MAPK8IP3: variants seen among roughly 807,000 people sequenced by gnomAD.
MAPK8IP3 encodes C-Jun-amino-terminal kinase-interacting protein 3.
Under a neutral mutation model 157.8 loss-of-function variants are expected in MAPK8IP3, and 49 were observed. The ratio of observed to expected loss-of-function variants is 0.31; its 90% CI spans 0.25 to 0.39. The LOEUF is 0.39. Ranked by LOEUF, MAPK8IP3 falls within the 10% of genes least tolerant of loss-of-function variation. MAPK8IP3 has a pLI of 1.00. For synonymous variants in MAPK8IP3, 897 were observed against 777.7 expected (o/e 1.15, Z -2.55); for missense variants, 1,478 against 1,889.4 (o/e 0.78, Z 4.04).
At chr16:1,761,177 G>T in intron 12 of MAPK8IP3, 47 bp from the exon 13 acceptor site, 6 of 1,486,144 alleles carry the variant, frequency 4.0e-6, no homozygotes, top group Non-Finnish European at 5.6e-6. Flanking sequence ...TGTTCCCGAG[G>T]CCCCTGGGAG....
At position 1,766,003 on chromosome 16, in the gene MAPK8IP3, C is replaced by T. The variant is rs978970847; in HGVS notation, c.2490C>T (p.Asp830=). 6.2e-7 allele frequency: 1 copy of T among 1,612,802 alleles called. No individual in the cohort carries two copies. The highest frequency in any genetic ancestry group is 8.5e-7 in the Non-Finnish European group (1 of 1,179,934). ...ACCCTCCCGGGGAGATGTTCCTGGA[C>T]AGCGACGTGAACCCAGAGGACCCGG... ...SDYPPGEMFL[D]SDVNPEDPGA... Residue 830 remains aspartate (D), a synonymous_variant, in exon 21 of 32, where the codon GAC becomes GAT. Transcript: ENST00000610761.
In MAPK8IP3 at chr16:1,763,721, G is replaced by A; in HGVS notation, c.1963G>A (p.Val655Met). 2 of 1,596,458 alleles carry A rather than the reference G, an allele frequency of 1.3e-6. No individual in the cohort carries two copies. The highest frequency in any genetic ancestry group is 1.7e-6 in the Non-Finnish European group (2 of 1,170,374). The change falls in exon 17 of 32, where the codon GTG becomes ATG. Residue 655 changes from valine (V) to methionine (M), a missense_variant. Transcript: ENST00000610761. ...REQYRQVREH[V>M]RNDDGRLQAC... The stretch of plus-strand genomic sequence containing the variant: ...GCAGTACCGCCAGGTGCGTGAGCAC[G>A]TGCGTAACGACGACGGCCGTCTGCA...
chr16:1,740,689 C>T (rs1265336217), intron 4 of MAPK8IP3, among the ~76,000 whole-genome samples: 2 of 152,232 alleles, frequency 1.3e-5, no homozygotes, highest in Non-Finnish European at 2.9e-5. Context: ...TGTCGCTGCC[C>T]TGCAGTCCTC....
chr16:1,712,699 G>T (rs557475434), intron 1 of MAPK8IP3, among the ~76,000 whole-genome samples: 4 of 152,168 alleles, frequency 2.6e-5, no homozygotes, highest in African/African-American at 7.2e-5. Flanking sequence ...ATCTGCCTCT[G>T]GTCTTCTGGC....
intron 16 of MAPK8IP3, 40 bp from the exon 17 acceptor site, chr16:1,763,617 C>T: frequency 1.3e-6 from 2 of 1,486,726 alleles, no homozygotes; most frequent in Non-Finnish European, 9.0e-7. Context: ...GGGGGCCGCT[C>T]ACCCTGGACA....
At chr16:1,723,774 T>C (rs1355226635) in intron 1 of MAPK8IP3, among the ~76,000 whole-genome samples, 1 of 152,212 alleles carries the variant, frequency 6.6e-6, no homozygotes, top group Non-Finnish European at 1.5e-5. Context: ...ACTTATGGCA[T>C]CGATGCCCGG....
chr16:1,746,580 C>T (rs540970231), intron 5 of MAPK8IP3: 2 of 190,034 alleles, frequency 1.1e-5, no homozygotes, highest in African/African-American at 4.7e-5. Flanking sequence ...TCGAGCTCTT[C>T]AGCACAGTGA....
chr16:1,758,076 G>T, intron 8 of MAPK8IP3, 72 bp from the exon 9 acceptor site: 1 of 1,485,248 alleles, frequency 6.7e-7, no homozygotes, highest in Admixed American at 1.7e-5. Context: ...AGAATGTATT[G>T]TTAGTTCCAG....
intron 4 of MAPK8IP3, among the ~76,000 whole-genome samples, chr16:1,733,829 G>A (rs1231947398): frequency 1.3e-5 from 2 of 152,250 alleles, no homozygotes; most frequent in Non-Finnish European, 2.9e-5. Flanking sequence ...CATTTTGTAA[G>A]GGATGGATCT....
chr16:1,742,331 G>A lies in MAPK8IP3; in HGVS notation c.603-1001G>A, dbSNP rs1256363489. On this transcript the variant is annotated intron_variant, in intron 4 of 31. Coordinates refer to ENST00000610761, the MANE Select transcript of MAPK8IP3 (RefSeq NM_001318852.2). This position sits in a 1 kb window ranked among gnomAD's most constrained non-coding sequence, Gnocchi z 5.0. ...CCTAGGGACTGAGCCCACAGCAGGGGGCACTGAGCACTGTCCTGACAGCTC... is the reference window on the plus strand; with the variant it reads ...CCTAGGGACTGAGCCCACAGCAGGGAGCACTGAGCACTGTCCTGACAGCTC... Among the ~76,000 whole-genome samples, 3 of 152,146 alleles carry A rather than the reference G, an allele frequency of 2.0e-5. No individual in the cohort carries two copies. The highest frequency in any genetic ancestry group is 2.9e-5 in the Non-Finnish European group (2 of 68,028).
chr16:1,728,154 G>A (rs1237592959), intron 2 of MAPK8IP3, among the ~76,000 whole-genome samples: 1 of 152,242 alleles, frequency 6.6e-6, no homozygotes, highest in East Asian at 1.9e-4. Context: ...TCCCCTGGCT[G>A]CGGCTGCCCG....
chr16:1,744,531 G>A (rs574806556), intron 5 of MAPK8IP3: 5 of 985,574 alleles, frequency 5.1e-6, no homozygotes, highest in African/African-American at 1.7e-5. Context: ...AGAGGGTGGC[G>A]GGGCTGCGGG....
chr16:1,756,015 G>T (rs1385597770), intron 8 of MAPK8IP3, among the ~76,000 whole-genome samples: 1 of 152,186 alleles, frequency 6.6e-6, no homozygotes, highest in African/African-American at 2.4e-5. Context: ...GGTGGAGCAG[G>T]TGCTGCCCTA....
At position 1,706,522 on chromosome 16, in the gene MAPK8IP3, C is replaced by T; in HGVS notation, c.183C>T (p.Asn61=). The T allele has an allele frequency of 6.2e-7, 1 of 1,614,064 alleles. No homozygotes were observed. The highest frequency in any genetic ancestry group is 1.1e-5 in the South Asian group (1 of 91,070). The change falls in exon 1 of 32, where the codon AAC becomes AAT. Residue 61 remains asparagine, a synonymous_variant. Transcript: ENST00000610761. The surrounding 1 kb of genome is among the most constrained non-coding windows in gnomAD (Gnocchi z 5.1). Reference sequence around the variant, plus strand: ...AGGAGCTCATGCCGCTGGTGGTGAACGTGCTGGAGAACCTAGACTCGGTGC... The same window carrying T: ...AGGAGCTCATGCCGCTGGTGGTGAATGTGCTGGAGAACCTAGACTCGGTGC... ...VVKELMPLVV[N]VLENLDSVLS... is the part of the protein sequence containing the mutation.
At chr16:1,762,578 T>C (rs753614315) in intron 14 of MAPK8IP3, 97 bp downstream of exon 14, 105 of 1,566,188 alleles carry the variant, frequency 6.7e-5, no homozygotes, top group Non-Finnish European at 8.8e-5. Flanking sequence ...CTGGGGGGAC[T>C]GAAGTGCGCT....
chr16:1,727,073 G>A (rs1035371205), intron 2 of MAPK8IP3, among the ~76,000 whole-genome samples: 3 of 151,384 alleles, frequency 2.0e-5, no homozygotes, highest in African/African-American at 7.3e-5. Context: ...GTTGTGTGCT[G>A]TGTGTGGCGT....
chr16:1,723,617 C>G (rs1270595297), intron 1 of MAPK8IP3, among the ~76,000 whole-genome samples: 3 of 152,062 alleles, frequency 2.0e-5, no homozygotes, highest in African/African-American at 7.2e-5. Flanking sequence ...GAGACTCTCT[C>G]TTAAAACAAA....
intron 2 of MAPK8IP3, 64 bp from the exon 3 acceptor site, chr16:1,729,074 A>G (rs1477714092): frequency 6.7e-7 from 1 of 1,503,694 alleles, no homozygotes; most frequent in African/African-American, 1.4e-5. Flanking sequence ...TGTGGTTACA[A>G]CCCAAGAGTT....
rs2042522327 is a variant in MAPK8IP3 at position 1,770,080 on chromosome 16, C to G, written c.*1256C>G. The stretch of plus-strand genomic sequence containing the variant: ...GAAGCACAGATCTTGGGGAGCTGCC[C>G]CACAAGCCCCGCTGGCCACCGAGGG... On this transcript the variant is annotated 3_prime_UTR_variant, in exon 32 of 32. Transcript: ENST00000610761. The G allele has an allele frequency of 1.3e-5, 2 of 152,538 alleles. No individual in the cohort carries two copies. Among genetic ancestry groups the G allele is most frequent in the Non-Finnish European group, 2.9e-5 (2 of 68,160 alleles). 9.4% of individuals were successfully genotyped at this position (152,538 alleles called of 1,614,324 possible). A position where few individuals can be genotyped will look rare whatever the true frequency, so the allele number is the denominator to read the frequency against.
Sources: gnomAD v4.1 joint callset for allele counts (sites outside exome capture counted in the v4.1 genomes callset) on GRCh38, gnomAD v4.1.1 for gene constraint, Gnocchi (gnomAD v3.1) non-coding constraint, MANE v1.5 for transcripts, NCBI Gene and HGNC (gene_info 2026-07-23, HGNC 2026-07-21) for gene names.